MAGI1: variants seen among roughly 807,000 people sequenced by gnomAD.
The protein encoded by MAGI1 is membrane-associated guanylate kinase, WW and PDZ domain-containing protein 1.
In MAGI1, 58 loss-of-function variants were observed where a neutral mutation model predicts 139.9. The ratio of observed to expected loss-of-function variants is 0.41; its 90% CI spans 0.34 to 0.52. The LOEUF is 0.52. MAGI1 is among the 20% of genes least tolerant of loss of function. The probability of loss-of-function intolerance (pLI) is 0.12; values close to 1 mark genes in which losing one functional copy is unlikely to be tolerated. For missense variants in MAGI1, 1,874 were observed against 1,901.6 expected, an observed-to-expected ratio of 0.99 and a Z score of 0.27; for synonymous variants, 812 against 737.9, an observed-to-expected ratio of 1.10 and a Z score of -1.63.
At chr3:65,495,521 C>G (rs1281415727) in intron 2 of MAGI1, among the ~76,000 whole-genome samples, 2 of 152,186 alleles carry the variant, frequency 1.3e-5, no homozygotes, top group Non-Finnish European at 2.9e-5. Context: ...GGCCCCAACA[C>G]ATGCCAGGCA....
At chr3:65,450,030 A>C (rs1297752424) in intron 6 of MAGI1, among the ~76,000 whole-genome samples, 2 of 152,184 alleles carry the variant, frequency 1.3e-5, no homozygotes, top group African/African-American at 4.8e-5. Flanking sequence ...GAAATTATTC[A>C]ATAACTATTG....
intron 1 of MAGI1, among the ~76,000 whole-genome samples, chr3:66,018,495 C>T (rs2067787592): frequency 1.3e-5 from 2 of 151,996 alleles, no homozygotes; most frequent in Non-Finnish European, 2.9e-5. Context: ...AACTGAGGCA[C>T]AGAGAGGTTA....
chr3:65,884,499 T>C (rs1353551164), intron 1 of MAGI1, among the ~76,000 whole-genome samples: 1 of 152,170 alleles, frequency 6.6e-6, no homozygotes, highest in Non-Finnish European at 1.5e-5. Flanking sequence ...TAAGGAAGAA[T>C]ACATTTAAGA....
chr3:65,657,449 A>AC (rs1491123232), intron 1 of MAGI1, among the ~76,000 whole-genome samples: 2,679 of 149,126 alleles, frequency 0.018, 74 homozygotes, highest in African/African-American at 0.059. Context: ...AAAAAAAAAA[A>AC]CACATAAATT....
intron 1 of MAGI1, among the ~76,000 whole-genome samples, chr3:66,020,600 T>G (rs183419435): frequency 1.3e-5 from 2 of 152,176 alleles, no homozygotes; most frequent in Non-Finnish European, 2.9e-5. Flanking sequence ...ATACGCTGAT[T>G]GAGCCATACC....
At chr3:65,965,501 T>C (rs1447115593) in intron 1 of MAGI1, among the ~76,000 whole-genome samples, 1 of 152,094 alleles carries the variant, frequency 6.6e-6, no homozygotes, top group African/African-American at 2.4e-5. Flanking sequence ...AATTAGCAAA[T>C]GTTAGGGGGT....
chr3:65,812,480 A>ACACACACG (rs1553711424), intron 1 of MAGI1, among the ~76,000 whole-genome samples: 201 of 146,190 alleles, frequency 1.4e-3, no homozygotes, highest in Middle Eastern at 3.5e-3. Context: ...ACACACACAC[A>ACACACACG]CACACACACA....
chr3:65,677,689 C>T (rs561316791), intron 1 of MAGI1, among the ~76,000 whole-genome samples: 21 of 152,298 alleles, frequency 1.4e-4, no homozygotes, highest in Non-Finnish European at 2.8e-4. Flanking sequence ...TTGGTGGGAA[C>T]CTCTGCACTT....
chr3:65,530,915 G>T (rs192010728), intron 2 of MAGI1, among the ~76,000 whole-genome samples: 1 of 149,054 alleles, frequency 6.7e-6, no homozygotes, highest in African/African-American at 2.5e-5. Context: ...AAACAGCCCA[G>T]TGTTGGAATC....
intron 1 of MAGI1, among the ~76,000 whole-genome samples, chr3:65,798,479 C>A (rs914596728): frequency 6.6e-6 from 1 of 152,144 alleles, no homozygotes; most frequent in Admixed American, 6.6e-5. Context: ...CCAAAGGAAG[C>A]CGCCAACTGT....
At chr3:65,619,404 T>C (rs915375738) in intron 2 of MAGI1, among the ~76,000 whole-genome samples, 2 of 152,194 alleles carry the variant, frequency 1.3e-5, no homozygotes, top group African/African-American at 4.8e-5. Flanking sequence ...GAGCTTTATT[T>C]CTTCATTTCC....
chr3:66,034,304 G>T (rs1229080162), intron 1 of MAGI1, among the ~76,000 whole-genome samples: 1 of 152,182 alleles, frequency 6.6e-6, no homozygotes, highest in African/African-American at 2.4e-5. Context: ...CAGGAATTGG[G>T]AGCACAGGCT....
chr3:65,676,917 T>C (rs2087230358), intron 1 of MAGI1, among the ~76,000 whole-genome samples: 1 of 152,208 alleles, frequency 6.6e-6, no homozygotes, highest in Non-Finnish European at 1.5e-5. Context: ...CCAGATTCCA[T>C]TACCAATGAG....
chr3:65,537,497 T>G (rs1022569309), intron 2 of MAGI1, among the ~76,000 whole-genome samples: 11 of 152,130 alleles, frequency 7.2e-5, no homozygotes, highest in African/African-American at 2.7e-4. Flanking sequence ...TTCATCTTTA[T>G]CTCCTCATAG....
intron 2 of MAGI1, among the ~76,000 whole-genome samples, chr3:65,609,063 G>A (rs1231929614): frequency 6.6e-6 from 1 of 152,156 alleles, no homozygotes; most frequent in African/African-American, 2.4e-5. Flanking sequence ...GATAGCATCA[G>A]AATCGTGGTT....
chr3:65,948,030 C>T (rs1046823463), intron 1 of MAGI1, among the ~76,000 whole-genome samples: 4 of 151,152 alleles, frequency 2.6e-5, no homozygotes, highest in South Asian at 2.1e-4. Flanking sequence ...CTACCTCCGC[C>T]TCCCAGGTTC....
chr3:66,020,594 G>T (rs566553409), intron 1 of MAGI1, among the ~76,000 whole-genome samples: 1 of 152,094 alleles, frequency 6.6e-6, no homozygotes, highest in East Asian at 1.9e-4. Flanking sequence ...GGACCCATAC[G>T]CTGATTGAGC....
chr3:65,815,482 A>C lies in MAGI1; in HGVS notation c.314-193394T>G, dbSNP rs116444113. The stretch of plus-strand genomic sequence containing the variant: ...CCTACCCCTCCCCCAGCTCACTTGA[A>C]AGGAGTGCCTAAATTCCCACCTTAA... On this transcript the variant is annotated intron_variant, in intron 1 of 22. Transcript: ENST00000402939. Among the ~76,000 whole-genome samples the C allele has an allele frequency of 4.1e-3, 617 of 152,264 alleles. 2 individuals carry two copies. Among genetic ancestry groups the C allele is most frequent in the South Asian group, 0.023 (113 of 4,822 alleles).
intron 1 of MAGI1, among the ~76,000 whole-genome samples, chr3:65,824,128 A>G (rs1418283125): frequency 1.3e-5 from 2 of 152,188 alleles, no homozygotes; most frequent in Non-Finnish European, 2.9e-5. Flanking sequence ...AATTTTAAGA[A>G]TTGTTTTCAT....
Sources: gnomAD v4.1 joint callset for allele counts (sites outside exome capture counted in the v4.1 genomes callset) on GRCh38, gnomAD v4.1.1 for gene constraint, MANE v1.5 for transcripts, NCBI Gene and HGNC (gene_info 2026-07-23, HGNC 2026-07-21) for gene names.